Variants in CACNA2D1 observed in about 807,000 individuals in gnomAD.
CACNA2D1 encodes the protein calcium voltage-gated channel auxiliary subunit alpha2delta 1.
Under a neutral mutation model 171.5 loss-of-function variants are expected in CACNA2D1, and 53 were observed. That is an observed-to-expected ratio of 0.31 (90% CI 0.25 to 0.39). CACNA2D1 has a LOEUF of 0.39. CACNA2D1 is among the 10% of genes least tolerant of loss of function. The probability of loss-of-function intolerance (pLI) is 1.00; values close to 1 mark genes in which losing one functional copy is unlikely to be tolerated. For synonymous variants in CACNA2D1, 442 were observed against 443.1 expected, an observed-to-expected ratio of 1.00 and a Z score of 0.03; for missense variants, 903 against 1,299.8, an observed-to-expected ratio of 0.69 and a Z score of 4.69.
chr7:82,016,588 T>A (rs1046395064), intron 12 of CACNA2D1, among the ~76,000 whole-genome samples: 44 of 139,728 alleles, frequency 3.1e-4, no homozygotes, highest in Middle Eastern at 3.7e-3. Context: ...ATTCAAATAG[T>A]CCAAATAAAC....
At chr7:81,961,322 TACTG>T (rs537845476) in intron 36 of CACNA2D1, among the ~76,000 whole-genome samples, 3 of 152,140 alleles carry the variant, frequency 2.0e-5, no homozygotes, top group Non-Finnish European at 2.9e-5. Context: ...ATTTTATGGA[TACTG>T]ACTAACATTA....
At chr7:82,304,457 A>C (rs775454207) in intron 3 of CACNA2D1, among the ~76,000 whole-genome samples, 2 of 152,178 alleles carry the variant, frequency 1.3e-5, no homozygotes, top group Non-Finnish European at 2.9e-5. Flanking sequence ...CTAAGTGTCC[A>C]TCAGCAGATG....
chr7:82,193,254 A>T (rs1155022), intron 3 of CACNA2D1, among the ~76,000 whole-genome samples: 145,652 of 152,054 alleles, frequency 0.96, 69,809 homozygotes, highest in East Asian at 1. Flanking sequence ...TTTTCTGAAG[A>T]TACTTTGAAC....
intron 3 of CACNA2D1, among the ~76,000 whole-genome samples, chr7:82,298,094 A>G (rs1253299532): frequency 6.6e-6 from 1 of 152,230 alleles, no homozygotes. Context: ...CAGCTATTGT[A>G]GAATTATACA....
chr7:82,359,257 T>C (rs1187483035), intron 1 of CACNA2D1, among the ~76,000 whole-genome samples: 1 of 152,206 alleles, frequency 6.6e-6, no homozygotes, highest in African/African-American at 2.4e-5. Flanking sequence ...TTCTCAGTCA[T>C]TGCAAATTGT....
intron 16 of CACNA2D1, among the ~76,000 whole-genome samples, chr7:82,006,452 T>A (rs191184821): frequency 9.9e-5 from 15 of 152,128 alleles, no homozygotes; most frequent in Non-Finnish European, 1.6e-4. Flanking sequence ...GCTATCATAA[T>A]CTTCTATGGG....
rs891219752 is a variant in CACNA2D1 at position 82,149,480 on chromosome 7, A to G, written c.355-12804T>C. On this transcript the variant is annotated intron_variant, in intron 4 of 38. Coordinates refer to ENST00000356860, the MANE Select transcript of CACNA2D1 (RefSeq NM_000722.4). The stretch of plus-strand genomic sequence containing the variant: ...TCCCTAGGAACCCTGGGGAGGCTAT[A>G]TAGAATTTCACTCAAAACGGTCACA... 7.9e-5 allele frequency among the ~76,000 whole-genome samples: 12 copies of G among 152,150 alleles called. No homozygotes were observed. In the South Asian group the frequency reaches 2.5e-3, roughly 32 times the overall value.
intron 15 of CACNA2D1, among the ~76,000 whole-genome samples, chr7:82,011,007 C>T (rs542407019): frequency 1.3e-4 from 20 of 152,066 alleles, no homozygotes; most frequent in East Asian, 3.9e-4. Flanking sequence ...AGCTTAAGTG[C>T]GATGATTATT....
intron 3 of CACNA2D1, among the ~76,000 whole-genome samples, chr7:82,174,072 AC>A (rs1796315062): frequency 6.7e-6 from 1 of 148,680 alleles, no homozygotes. Context: ...AAAAAAAGAC[AC>A]AAAATACCCA....
intron 12 of CACNA2D1, among the ~76,000 whole-genome samples, chr7:82,032,441 A>G (rs1192503681): frequency 1.3e-5 from 2 of 151,676 alleles, no homozygotes; most frequent in Non-Finnish European, 2.9e-5. Flanking sequence ...ATTAAATAAT[A>G]TAATAAATTT....
chr7:82,221,954 GA>G lies in CACNA2D1; in HGVS notation c.295-51346del, dbSNP rs535350994. Among the ~76,000 whole-genome samples, 569 of 139,326 alleles carry G rather than the reference GA, an allele frequency of 4.1e-3. 6 individuals are homozygous for G. The highest frequency in any genetic ancestry group is 0.013 in the South Asian group (58 of 4,380). The allele number at this position is 139,326 out of a possible 152,430, so 91.4% of individuals were successfully genotyped here. ...CTAGTCTATCCGCTTAAATAAAAAT[GA>G]AAAAAAAAAAGAGCTTCCTTTTAAT... is the stretch of plus-strand genomic sequence containing the variant. On this transcript the variant is annotated intron_variant, in intron 3 of 38. Transcript: ENST00000356860.
intron 3 of CACNA2D1, among the ~76,000 whole-genome samples, chr7:82,216,891 CAAAAA>C (rs56161307): frequency 7.7e-6 from 1 of 130,320 alleles, no homozygotes; most frequent in Non-Finnish European, 1.6e-5. Flanking sequence ...AGCCTAAATC[CAAAAA>C]AAAAAAAAAA....
At chr7:82,121,084 G>A (rs1789681781) in intron 5 of CACNA2D1, among the ~76,000 whole-genome samples, 2 of 151,922 alleles carry the variant, frequency 1.3e-5, no homozygotes, top group Admixed American at 1.3e-4. Context: ...TTTGAATCAG[G>A]ATCTTGCTCT....
At chr7:82,066,415 T>A (rs373928088) in intron 8 of CACNA2D1, 40 bp downstream of exon 8, 25 of 1,608,936 alleles carry the variant, frequency 1.6e-5, no homozygotes, top group Middle Eastern at 1.7e-4. Context: ...TATATCTTCT[T>A]GCCTATTTTA....
At chr7:82,232,861 CAAAAAAAAAAAAAA>C (rs71093370) in intron 3 of CACNA2D1, among the ~76,000 whole-genome samples, 11 of 52,414 alleles carry the variant, frequency 2.1e-4, no homozygotes, top group South Asian at 1.4e-3. Flanking sequence ...GAGATGTCTC[CAAAAAAAAAAAAAA>C]AAAAAAAAAA....
rs1422240482 is a variant in CACNA2D1, at chr7:82,271,115, G to T, written c.294+64020C>A. Among the ~76,000 whole-genome samples, 23 of 152,114 alleles carry T rather than the reference G, an allele frequency of 1.5e-4. No individual in the cohort carries two copies. The East Asian group carries it at 4.4e-3, about 29-fold the overall frequency. ...TTTTCATGTCAATTGTCACCTAAATGAAAGTACATATCCACTACCATCCTC... is the reference window on the plus strand; with the variant it reads ...TTTTCATGTCAATTGTCACCTAAATTAAAGTACATATCCACTACCATCCTC... On this transcript the variant is annotated intron_variant, in intron 3 of 38. Coordinates refer to ENST00000356860, the MANE Select transcript of CACNA2D1 (RefSeq NM_000722.4).
chr7:82,046,272 G>A (rs375562595), intron 10 of CACNA2D1, among the ~76,000 whole-genome samples: 19 of 151,952 alleles, frequency 1.3e-4, no homozygotes, highest in South Asian at 2.1e-4. Flanking sequence ...AATTTCTGTC[G>A]TTAATCCCTG....
chr7:82,192,515 T>C (rs1448784574), intron 3 of CACNA2D1, among the ~76,000 whole-genome samples: 1 of 141,858 alleles, frequency 7.0e-6, no homozygotes, highest in Non-Finnish European at 1.5e-5. Flanking sequence ...TGTGTGAATA[T>C]AGAGACAGGT....
chr7:82,402,089 A>T (rs1214111027), intron 1 of CACNA2D1, among the ~76,000 whole-genome samples: 2 of 152,210 alleles, frequency 1.3e-5, no homozygotes, highest in Non-Finnish European at 2.9e-5. Context: ...TGTGAAGATT[A>T]CATGATAGAG....
Sources: allele counts gnomAD v4.1 joint callset (sites outside exome capture counted in the v4.1 genomes callset), GRCh38; gene constraint gnomAD v4.1.1; transcripts MANE v1.5; gene names NCBI Gene and HGNC (gene_info 2026-07-23, HGNC 2026-07-21).